DNTT: variants seen among roughly 807,000 people sequenced by gnomAD.
DNTT encodes the protein nucleosidetriphosphate:DNA deoxynucleotidylexotransferase.
Under a neutral mutation model 60.9 loss-of-function variants are expected in DNTT, and 47 were observed. That is an observed-to-expected ratio of 0.77 (90% CI 0.61 to 0.98). DNTT has a LOEUF of 0.98. Among genes scored for constraint, DNTT ranks in the 50% least tolerant of loss-of-function variants. The probability of loss-of-function intolerance (pLI) is 0.00; values close to 1 mark genes in which losing one functional copy is unlikely to be tolerated. For missense variants in DNTT, 665 were observed against 627.5 expected (o/e 1.06, Z -0.64); for synonymous variants, 224 against 221.2 (o/e 1.01, Z -0.11).
intron 1 of DNTT, among the ~76,000 whole-genome samples, chr10:96,315,115 GC>G (rs1844772492): frequency 6.6e-6 from 1 of 152,152 alleles, no homozygotes; most frequent in Non-Finnish European, 1.5e-5. Flanking sequence ...CCGAACTCAG[GC>G]AACACAAGAC....
chr10:96,326,485 G>A (rs1036207264), intron 6 of DNTT, among the ~76,000 whole-genome samples: 4 of 152,160 alleles, frequency 2.6e-5, no homozygotes, highest in Admixed American at 2.0e-4. Context: ...AGATAACATG[G>A]GAAATTTGGC....
chr10:96,318,545 AT>A lies in DNTT; in HGVS notation c.378+23del, dbSNP rs770262858. 9.9e-6 allele frequency: 16 copies of A among 1,609,822 alleles called. No individual in the cohort carries two copies. Among genetic ancestry groups the A allele is most frequent in the Non-Finnish European group, 1.4e-5 (16 of 1,177,696 alleles). Reference sequence around the variant, plus strand: ...GCTTGTTGTAAGTGTCATGGGTGTGATTTTCACTGTTCTTTGCTTGATGGTT... The same window carrying A: ...GCTTGTTGTAAGTGTCATGGGTGTGATTTCACTGTTCTTTGCTTGATGGTT... On this transcript the variant is annotated intron_variant, in intron 2 of 10. Transcript: ENST00000371174.
chr10:96,306,006 A>T (rs1186070618), intron 1 of DNTT, among the ~76,000 whole-genome samples: 1 of 152,190 alleles, frequency 6.6e-6, no homozygotes, highest in Non-Finnish European at 1.5e-5. Context: ...CTAACTGTTA[A>T]GCCTGCCTGA....
At chr10:96,326,029 G>A (rs935471995) in intron 6 of DNTT, among the ~76,000 whole-genome samples, 2 of 152,166 alleles carry the variant, frequency 1.3e-5, no homozygotes, top group African/African-American at 2.4e-5. Context: ...ATACCAAAAA[G>A]GAAAGCCAAT....
Position 96,338,164 on chromosome 10 carries a change from A to C in DNTT, c.1470A>C (p.Glu490Asp), listed in dbSNP as rs1242823771. The C allele has an allele frequency of 6.2e-7, 1 of 1,613,426 alleles. No homozygotes were observed. Among genetic ancestry groups the C allele is most frequent in the Non-Finnish European group, 8.5e-7 (1 of 1,179,856 alleles). ...GGATATTCCTCAAAGCAGAAAGTGA[A>C]GAAGAAATTTTTGCGCATCTGGGAT... is the stretch of plus-strand genomic sequence containing the variant. Reference protein sequence around the residue: ...TKRIFLKAESEEEIFAHLGLD... With the variant: ...TKRIFLKAESDEEIFAHLGLD... The change falls in exon 11 of 11, where the codon GAA becomes GAC. Residue 490 changes from glutamate to aspartate, a missense_variant. Coordinates refer to ENST00000371174, the MANE Select transcript of DNTT (RefSeq NM_004088.4).
intron 6 of DNTT, among the ~76,000 whole-genome samples, chr10:96,324,752 G>T (rs868842696): frequency 6.6e-6 from 1 of 152,230 alleles, no homozygotes; most frequent in Non-Finnish European, 1.5e-5. Context: ...TTGTGCTGCT[G>T]ATCTGGTCCT....
At chr10:96,306,838 A>G (rs1156532554) in intron 1 of DNTT, 2 of 152,242 alleles carry the variant, frequency 1.3e-5, no homozygotes, top group Admixed American at 6.5e-5. Context: ...CGCAAAAATA[A>G]ACCACAGGAA....
chr10:96,333,596 T>C, intron 9 of DNTT, among the ~76,000 whole-genome samples: 1 of 152,254 alleles, frequency 6.6e-6, no homozygotes, highest in South Asian at 2.1e-4. Flanking sequence ...AATGGATTTT[T>C]AAAATGTAGT....
chr10:96,320,548 G>A, intron 3 of DNTT, 70 bp from the exon 4 acceptor site: 25 of 1,552,248 alleles, frequency 1.6e-5, no homozygotes, highest in Non-Finnish European at 2.2e-5. Flanking sequence ...AGAGCAAGAG[G>A]CGTTTGTGAG....
At chr10:96,330,750 G>C (rs1564874592) in intron 8 of DNTT, among the ~76,000 whole-genome samples, 1 of 152,166 alleles carries the variant, frequency 6.6e-6, no homozygotes, top group East Asian at 1.9e-4. Context: ...TGTGGTCCCT[G>C]GTCCGGGAAC....
At position 96,312,213 on chromosome 10, in the gene DNTT, T is replaced by C. The variant is rs79944191; in HGVS notation, c.204-6139T>C. Among the ~76,000 whole-genome samples, 216 of 152,302 alleles carry C rather than the reference T, an allele frequency of 1.4e-3. 2 individuals carry two copies. The East Asian group carries it at 0.038, about 27-fold the overall frequency. Reference sequence around the variant, plus strand: ...TCAAATCTAGGCTGGGGCAGTTCAATAGAAAAGATCTTTCTCTACAGTGGT... The same window carrying C: ...TCAAATCTAGGCTGGGGCAGTTCAACAGAAAAGATCTTTCTCTACAGTGGT... On this transcript the variant is annotated intron_variant, in intron 1 of 10. Coordinates refer to ENST00000371174, the MANE Select transcript of DNTT (RefSeq NM_004088.4).
intron 1 of DNTT, among the ~76,000 whole-genome samples, chr10:96,307,463 T>A (rs1287118906): frequency 1.4e-5 from 2 of 142,098 alleles, no homozygotes; most frequent in Non-Finnish European, 1.5e-5. Context: ...CAAGCGATAC[T>A]CCTGCCTAAG....
At chr10:96,312,242 T>C (rs1844728442) in intron 1 of DNTT, among the ~76,000 whole-genome samples, 1 of 152,192 alleles carries the variant, frequency 6.6e-6, no homozygotes, top group African/African-American at 2.4e-5. Flanking sequence ...CAGTGGTGTT[T>C]CTCAAAGTGG....
chr10:96,335,210 A>G (rs1325910951), intron 9 of DNTT, among the ~76,000 whole-genome samples: 1 of 152,142 alleles, frequency 6.6e-6, no homozygotes, highest in Non-Finnish European at 1.5e-5. Flanking sequence ...TCCTTTCCCA[A>G]GGTGTTCCTG....
At chr10:96,314,614 G>T (rs908652158) in intron 1 of DNTT, among the ~76,000 whole-genome samples, 1 of 149,320 alleles carries the variant, frequency 6.7e-6, no homozygotes, top group South Asian at 2.1e-4. Flanking sequence ...GGGTTTCACC[G>T]TGTTAGCCAG....
At chr10:96,323,718 C>A (rs1444681313) in intron 5 of DNTT, among the ~76,000 whole-genome samples, 3 of 152,178 alleles carry the variant, frequency 2.0e-5, no homozygotes, top group African/African-American at 7.2e-5. Flanking sequence ...GTGGAAGGGA[C>A]TTCCACCAGT....
intron 1 of DNTT, 80 bp downstream of exon 1, chr10:96,304,780 T>TTCTTCCACATGTGGAAGATCACC: frequency 1.4e-6 from 2 of 1,463,132 alleles, no homozygotes; most frequent in Non-Finnish European, 9.2e-7. Flanking sequence ...AACCTGTGTT[T>TTCTTCCACATGTGGAAGATCACC]TCTTCCACAT....
intron 1 of DNTT, among the ~76,000 whole-genome samples, chr10:96,307,734 A>ATAT (rs1564868534): frequency 0.01 from 757 of 72,450 alleles, 7 homozygotes; most frequent in African/African-American, 0.023. Context: ...TATATATATA[A>ATAT]GCATATATAT....
At chr10:96,315,386 T>C (rs72811056) in intron 1 of DNTT, among the ~76,000 whole-genome samples, 1,765 of 152,052 alleles carry the variant, frequency 0.012, 16 homozygotes, top group Non-Finnish European at 0.018. Flanking sequence ...GCTTAAGAGG[T>C]TTTGTTTGAC....
Sources: allele counts gnomAD v4.1 joint callset (sites outside exome capture counted in the v4.1 genomes callset), GRCh38; gene constraint gnomAD v4.1.1; transcripts MANE v1.5; gene names NCBI Gene and HGNC (gene_info 2026-07-23, HGNC 2026-07-21).